The following SNAP23 variants were observed in gnomAD, a reference collection of about 807,000 sequenced individuals.
SNAP23 encodes the protein synaptosome associated protein 23.
SNAP23 carries 11 observed loss-of-function variants against 29.0 expected under a neutral mutation model. That is an observed-to-expected ratio of 0.38 (90% CI 0.24 to 0.63). The LOEUF (loss-of-function observed/expected upper bound fraction) is 0.63, where lower values mean the gene tolerates loss of function less well. Among genes scored for constraint, SNAP23 ranks in the 20% least tolerant of loss-of-function variants. The pLI is 0.58. For missense variants in SNAP23, 220 were observed against 253.9 expected, an observed-to-expected ratio of 0.87 and a Z score of 0.91; for synonymous variants, 60 against 82.9, an observed-to-expected ratio of 0.72 and a Z score of 1.50.
At chr15:42,503,636 C>T (rs533525915) in intron 1 of SNAP23, among the ~76,000 whole-genome samples, 20 of 152,222 alleles carry the variant, frequency 1.3e-4, no homozygotes, top group African/African-American at 4.6e-4. Flanking sequence ...TCCCAAAGTG[C>T]TAGGATTACA....
intron 5 of SNAP23, among the ~76,000 whole-genome samples, chr15:42,523,487 G>A (rs1375062751): frequency 6.6e-6 from 1 of 152,046 alleles, no homozygotes; most frequent in Non-Finnish European, 1.5e-5. Flanking sequence ...AAATGGTAAT[G>A]GACCAAAAAG....
At chr15:42,529,878 G>C in intron 7 of SNAP23, 59 bp downstream of exon 7, 3 of 1,569,766 alleles carry the variant, frequency 1.9e-6, no homozygotes, top group Non-Finnish European at 2.6e-6. Context: ...TTCAGTAATA[G>C]ACATCTGTGC....
Position 42,528,322 on chromosome 15 carries a change from C to T in SNAP23, c.327C>T (p.Asn109=). The change falls in exon 6 of 8, where the codon AAC becomes AAT. Residue 109 remains asparagine (N), a synonymous_variant. Coordinates refer to ENST00000249647, the MANE Select transcript of SNAP23 (RefSeq NM_003825.4). ...CAACATGGGGAGATGGTGGAGAAAA[C>T]TCACCTTGCAATGTAGTATCTAAAC... ...YKTTWGDGGE[N]SPCNVVSKQP... The T allele has an allele frequency of 6.2e-7, 1 of 1,614,054 alleles. No individual in the cohort carries two copies.
At chr15:42,510,416 A>G (rs139388394) in intron 1 of SNAP23, among the ~76,000 whole-genome samples, 429 of 152,292 alleles carry the variant, frequency 2.8e-3, no homozygotes, top group African/African-American at 9.7e-3. Context: ...GATTCCAGTC[A>G]TGAGCTACCA....
chr15:42,497,669 C>T (rs906950799), intron 1 of SNAP23, among the ~76,000 whole-genome samples: 3 of 152,268 alleles, frequency 2.0e-5, no homozygotes, highest in Middle Eastern at 6.8e-3. Context: ...AATCTCATGT[C>T]CTCACAGTTC....
chr15:42,491,972 G>C (rs565459717), upstream of SNAP23, among the ~76,000 whole-genome samples: 4 of 151,966 alleles, frequency 2.6e-5, no homozygotes, highest in South Asian at 4.2e-4. Context: ...GTGCAGAACC[G>C]CTCTCTTGGT....
chr15:42,504,258 C>T (rs1208389993), intron 1 of SNAP23, among the ~76,000 whole-genome samples: 3 of 152,080 alleles, frequency 2.0e-5, no homozygotes, highest in Admixed American at 1.3e-4. Context: ...AGGAGAATCA[C>T]TTGAACCCTG....
chr15:42,513,043 C>T (rs530564349), intron 3 of SNAP23, 47 bp downstream of exon 3: 41 of 1,303,650 alleles, frequency 3.1e-5, no homozygotes, highest in Non-Finnish European at 4.2e-5. Context: ...TTTATAGGAG[C>T]GATCCTAATA....
At chr15:42,495,325 A>G (rs779065591), upstream of SNAP23, 2 of 152,184 alleles carry the variant, frequency 1.3e-5, no homozygotes, top group South Asian at 2.1e-4. Context: ...TTACATATCT[A>G]TATCTTAGTC....
chr15:42,500,923 G>GT (rs1267317617), intron 1 of SNAP23, among the ~76,000 whole-genome samples: 1 of 152,160 alleles, frequency 6.6e-6, no homozygotes, highest in Non-Finnish European at 1.5e-5. Context: ...TGATTCCTAT[G>GT]TTTTTCCAGA....
At chr15:42,526,527 T>C (rs765427612) in intron 5 of SNAP23, among the ~76,000 whole-genome samples, 64 of 152,214 alleles carry the variant, frequency 4.2e-4, no homozygotes, top group Non-Finnish European at 8.4e-4. Flanking sequence ...ATTCTAGGTT[T>C]GCCGAAAATG....
rs969618073 is a variant in SNAP23, at chr15:42,525,928, G to T, written c.267-2334G>T. On this transcript the variant is annotated intron_variant, in intron 5 of 7. Transcript: ENST00000249647. The stretch of plus-strand genomic sequence containing the variant: ...AAAGAAGAATTCTCATAAGTGTAAA[G>T]AATTTTTTCAAATATTGCCTCTTAA... Among the ~76,000 whole-genome samples, 5 of 152,136 alleles carry T rather than the reference G, an allele frequency of 3.3e-5. No homozygotes were observed. The East Asian group carries it at 9.6e-4, about 29-fold the overall frequency.
chr15:42,517,487 G>A (rs80060156), intron 5 of SNAP23, among the ~76,000 whole-genome samples: 740 of 152,240 alleles, frequency 4.9e-3, no homozygotes, highest in African/African-American at 0.017. Flanking sequence ...TCTAAGTCAC[G>A]TGTTGATAAA....
At chr15:42,510,816 A>C (rs547670395) in intron 1 of SNAP23, among the ~76,000 whole-genome samples, 1 of 152,166 alleles carries the variant, frequency 6.6e-6, no homozygotes, top group South Asian at 2.1e-4. Context: ...TTTCCTGAAG[A>C]GTGTTGTAGG....
At chr15:42,516,519 C>T (rs1347572707) in intron 5 of SNAP23, among the ~76,000 whole-genome samples, 4 of 151,872 alleles carry the variant, frequency 2.6e-5, no homozygotes, top group South Asian at 2.1e-4. Context: ...TTAGTAGAGA[C>T]GGGGTTTCAC....
At chr15:42,506,066 C>A (rs969022345) in intron 1 of SNAP23, among the ~76,000 whole-genome samples, 2 of 151,854 alleles carry the variant, frequency 1.3e-5, no homozygotes, top group African/African-American at 4.8e-5. Context: ...CTGCCTCAGC[C>A]TCCCGAGTAG....
chr15:42,514,205 G>A (rs1346408443), intron 4 of SNAP23, among the ~76,000 whole-genome samples: 1 of 151,334 alleles, frequency 6.6e-6, no homozygotes. Flanking sequence ...TGGTGCAATC[G>A]TGGCTTACTC....
At chr15:42,503,873 T>C (rs1279327173) in intron 1 of SNAP23, among the ~76,000 whole-genome samples, 1 of 152,172 alleles carries the variant, frequency 6.6e-6, no homozygotes, top group African/African-American at 2.4e-5. Flanking sequence ...TTATAGACTT[T>C]GTATGGTAAA....
At chr15:42,518,739 A>C (rs2057418667) in intron 5 of SNAP23, among the ~76,000 whole-genome samples, 1 of 138,252 alleles carries the variant, frequency 7.2e-6, no homozygotes, top group South Asian at 2.1e-4. Context: ...AAATCTAAAA[A>C]ACTCCTAAAG....
Sources: gnomAD v4.1 joint callset for allele counts (sites outside exome capture counted in the v4.1 genomes callset) on GRCh38, gnomAD v4.1.1 for gene constraint, MANE v1.5 for transcripts, NCBI Gene and HGNC (gene_info 2026-07-23, HGNC 2026-07-21) for gene names.